The following GALNT13 variants were observed in gnomAD, a reference collection of about 807,000 sequenced individuals.
GALNT13 encodes the protein polypeptide N-acetylgalactosaminyltransferase 13.
GALNT13 carries 28 observed loss-of-function variants against 64.2 expected under a neutral mutation model. The ratio of observed to expected loss-of-function variants is 0.44; its 90% CI spans 0.32 to 0.60. The LOEUF (loss-of-function observed/expected upper bound fraction) is 0.60, where lower values mean the gene tolerates loss of function less well. Among genes scored for constraint, GALNT13 ranks in the 20% least tolerant of loss-of-function variants. The pLI is 0.05. For synonymous variants in GALNT13, 214 were observed against 224.6 expected (o/e 0.95, Z 0.42); for missense variants, 577 against 669.8 (o/e 0.86, Z 1.53).
chr2:154,108,755 A>G (rs1702766594), intron 3 of GALNT13, among the ~76,000 whole-genome samples: 3 of 151,954 alleles, frequency 2.0e-5, no homozygotes, highest in Admixed American at 6.6e-5. Context: ...ATTTTAGGGT[A>G]TGAGTTTTGT....
intron 3 of GALNT13, among the ~76,000 whole-genome samples, chr2:154,031,708 C>G (rs1168978099): frequency 6.6e-6 from 1 of 151,568 alleles, no homozygotes; most frequent in African/African-American, 2.4e-5. Context: ...CCTTCAGTCC[C>G]AAAAAACTAT....
At chr2:153,636,455 A>C in the GALNT13 span, among the ~76,000 whole-genome samples, 1 of 152,160 alleles carries the variant, frequency 6.6e-6, no homozygotes, top group African/African-American at 2.4e-5. Flanking sequence ...GTTTTTATTT[A>C]ATAGGCAGAA....
At chr2:153,737,541 TTTC>T in the GALNT13 span, among the ~76,000 whole-genome samples, 2 of 152,134 alleles carry the variant, frequency 1.3e-5, no homozygotes, top group Non-Finnish European at 2.9e-5. Flanking sequence ...ATATCCAGAT[TTTC>T]TTCTTCCTTA....
At chr2:153,193,765 G>A in the GALNT13 span, among the ~76,000 whole-genome samples, 33 of 152,150 alleles carry the variant, frequency 2.2e-4, no homozygotes, top group Admixed American at 1.2e-3. Flanking sequence ...ACTCCCTAAA[G>A]CATTTCTCAT....
intron 7 of GALNT13, among the ~76,000 whole-genome samples, chr2:154,254,866 G>T (rs1046549699): frequency 6.6e-6 from 1 of 152,128 alleles, no homozygotes; most frequent in Non-Finnish European, 1.5e-5. Flanking sequence ...TGTGATGAAT[G>T]ATCTGATCTT....
chr2:153,973,940 G>C (rs1280937244), intron 3 of GALNT13, among the ~76,000 whole-genome samples: 1 of 151,922 alleles, frequency 6.6e-6, no homozygotes, highest in Admixed American at 6.6e-5. Context: ...AATATTTCCT[G>C]AATGATCATT....
Position 154,083,995 on chromosome 2 carries a change from G to A in GALNT13, c.143-56342G>A, listed in dbSNP as rs72870333. 3.3e-3 allele frequency among the ~76,000 whole-genome samples: 506 copies of A among 151,878 alleles called. 1 individual carries two copies. Among genetic ancestry groups the A allele is most frequent in the Middle Eastern group, 0.01 (3 of 294 alleles). ...AGAATGATCATATCTGCAACCTAAG[G>A]ACTAAAAGAGCTGATGTCTTGGGCT... On this transcript the variant is annotated intron_variant, in intron 3 of 12. Transcript: ENST00000392825.
chr2:154,363,251 ATCT>A (rs1272642737), intron 9 of GALNT13, among the ~76,000 whole-genome samples: 8 of 152,234 alleles, frequency 5.3e-5, no homozygotes, highest in Non-Finnish European at 1.5e-5. Context: ...CTACTCTTTC[ATCT>A]TCTCTGCCTT....
the GALNT13 span, among the ~76,000 whole-genome samples, chr2:153,783,706 T>C: frequency 6.6e-6 from 1 of 152,142 alleles, no homozygotes; most frequent in South Asian, 2.1e-4. Flanking sequence ...TCTCCCATAC[T>C]GTTCTCATAG....
chr2:153,205,477 G>A, the GALNT13 span, among the ~76,000 whole-genome samples: 1 of 152,018 alleles, frequency 6.6e-6, no homozygotes, highest in Non-Finnish European at 1.5e-5. Flanking sequence ...ATCCAAATTT[G>A]AATAAAAGTT....
chr2:153,833,163 C>G, the GALNT13 span, among the ~76,000 whole-genome samples: 2 of 152,094 alleles, frequency 1.3e-5, no homozygotes, highest in African/African-American at 2.4e-5. Flanking sequence ...TTTAGTAGCC[C>G]TTTTGGTCAT....
At chr2:153,737,476 T>A in the GALNT13 span, among the ~76,000 whole-genome samples, 1 of 152,170 alleles carries the variant, frequency 6.6e-6, no homozygotes, top group Non-Finnish European at 1.5e-5. Context: ...GCACATTTTT[T>A]ATTTTCATTG....
At chr2:153,172,342 C>T in the GALNT13 span, among the ~76,000 whole-genome samples, 1 of 152,106 alleles carries the variant, frequency 6.6e-6, no homozygotes, top group Non-Finnish European at 1.5e-5. Flanking sequence ...CCAGGCTTCT[C>T]TTGAAGTAGA....
At chr2:153,244,551 G>T in the GALNT13 span, among the ~76,000 whole-genome samples, 1 of 152,302 alleles carries the variant, frequency 6.6e-6, no homozygotes, top group African/African-American at 2.4e-5. Flanking sequence ...AGTCCAAGGA[G>T]CTCCCTCCCC....
At chr2:153,272,823 A>G in the GALNT13 span, among the ~76,000 whole-genome samples, 1 of 152,058 alleles carries the variant, frequency 6.6e-6, no homozygotes, top group African/African-American at 2.4e-5. Flanking sequence ...ACAGGTACGT[A>G]TATTGCAGCA....
chr2:154,444,478 TG>T (rs2105489338), intron 12 of GALNT13, among the ~76,000 whole-genome samples: 1 of 152,256 alleles, frequency 6.6e-6, no homozygotes, highest in African/African-American at 2.4e-5. Context: ...CATGTAATAT[TG>T]GTGAAGATGC....
At chr2:153,289,749 G>A in the GALNT13 span, among the ~76,000 whole-genome samples, 2 of 152,206 alleles carry the variant, frequency 1.3e-5, no homozygotes, top group African/African-American at 4.8e-5. Context: ...TGAATGCAGT[G>A]GGAAGGAGCT....
intron 7 of GALNT13, chr2:154,257,459 T>G (rs2105898797): frequency 6.6e-6 from 1 of 152,278 alleles, no homozygotes; most frequent in Non-Finnish European, 1.5e-5. Flanking sequence ...TGTAATATGT[T>G]ATATAGTTAT....
chr2:153,782,993 T>G, the GALNT13 span, among the ~76,000 whole-genome samples: 1 of 152,260 alleles, frequency 6.6e-6, no homozygotes, highest in African/African-American at 2.4e-5. Flanking sequence ...TGGAAATGGT[T>G]ACAGACATAC....
Sources: gnomAD v4.1 joint callset for allele counts (sites outside exome capture counted in the v4.1 genomes callset) on GRCh38, gnomAD v4.1.1 for gene constraint, MANE v1.5 for transcripts, NCBI Gene and HGNC (gene_info 2026-07-23, HGNC 2026-07-21) for gene names.